Variants in CSMD2 observed in about 807,000 individuals in gnomAD.
CSMD2 encodes CUB and Sushi multiple domains 2.
CSMD2 carries 130 observed loss-of-function variants against 398.5 expected under a neutral mutation model. The observed-to-expected ratio is 0.33, with a 90% CI of 0.28 to 0.38. The LOEUF (loss-of-function observed/expected upper bound fraction) is 0.38. Ranked by LOEUF, CSMD2 falls within the 10% of genes least tolerant of loss-of-function variation. The probability of loss-of-function intolerance (pLI) is 1.00; values close to 1 mark genes in which losing one functional copy is unlikely to be tolerated. For missense variants in CSMD2, 3,829 were observed against 4,764.9 expected, an observed-to-expected ratio of 0.80 and a Z score of 5.78; for synonymous variants, 1,828 against 1,908.5, an observed-to-expected ratio of 0.96 and a Z score of 1.10.
At position 33,624,525 on chromosome 1, in the gene CSMD2, G is replaced by A; in HGVS notation, c.5619C>T (p.Gly1873=). The A allele has an allele frequency of 6.2e-7, 1 of 1,613,788 alleles. No homozygotes were observed. The highest frequency in any genetic ancestry group is 1.3e-5 in the African/African-American group (1 of 75,032). Residue 1873 remains glycine (G), a synonymous_variant, in exon 35 of 71, where the codon GGC becomes GGT. Transcript: ENST00000373381. This position sits in a 1 kb window ranked among gnomAD's most constrained non-coding sequence, Gnocchi z 4.7. ...VWKIVVPEGA[G]IQIQVVSFVT... is the part of the protein sequence containing the mutation. Reference sequence around the variant, plus strand: ...GGCGCCCCCTTGCCCCTACCTGGATGCCAGCGCCTTCGGGGACCACGATCT... The same window carrying A: ...GGCGCCCCCTTGCCCCTACCTGGATACCAGCGCCTTCGGGGACCACGATCT...
chr1:33,761,327 C>T (rs1649788853), intron 13 of CSMD2, among the ~76,000 whole-genome samples: 1 of 152,184 alleles, frequency 6.6e-6, no homozygotes, highest in African/African-American at 2.4e-5. Flanking sequence ...CTGCACCCAG[C>T]CCCCAGGATC....
intron 3 of CSMD2, among the ~76,000 whole-genome samples, chr1:34,011,788 C>T (rs1350837947): frequency 6.6e-6 from 1 of 152,044 alleles, no homozygotes; most frequent in African/African-American, 2.4e-5. Context: ...ACTATAGTTA[C>T]CCTGTTGGGG....
chr1:33,664,560 G>C (rs796972407), intron 25 of CSMD2, among the ~76,000 whole-genome samples: 3 of 152,276 alleles, frequency 2.0e-5, no homozygotes, highest in South Asian at 4.1e-4. Flanking sequence ...CCAGCACTTT[G>C]GGAGGCTGAG....
chr1:34,026,061 C>A (rs1649604456), intron 3 of CSMD2, among the ~76,000 whole-genome samples: 3 of 152,194 alleles, frequency 2.0e-5, no homozygotes, highest in African/African-American at 7.2e-5. Context: ...CAAGCGCTGA[C>A]AATTTGCCAG....
At chr1:33,847,929 G>C (rs1312827915) in intron 5 of CSMD2, among the ~76,000 whole-genome samples, 1 of 152,188 alleles carries the variant, frequency 6.6e-6, no homozygotes, top group Non-Finnish European at 1.5e-5. Context: ...AACGGCAGCT[G>C]CTGTTCCATT....
intron 33 of CSMD2, 81 bp from the exon 34 acceptor site, chr1:33,625,335 A>G: frequency 7.5e-6 from 10 of 1,329,968 alleles, no homozygotes; most frequent in Non-Finnish European, 1.0e-5. Flanking sequence ...GGTCTGGAAC[A>G]AAGACCGTCT....
At chr1:34,120,491 A>G (rs1002165801) in intron 1 of CSMD2, among the ~76,000 whole-genome samples, 1 of 152,224 alleles carries the variant, frequency 6.6e-6, no homozygotes, top group African/African-American at 2.4e-5. Context: ...GAGTTTGTGT[A>G]AGATTTATAC....
At chr1:33,783,977 C>T (rs1190570920) in intron 12 of CSMD2, among the ~76,000 whole-genome samples, 1 of 148,886 alleles carries the variant, frequency 6.7e-6, no homozygotes, top group Non-Finnish European at 1.5e-5. Context: ...AGTCCCCGGC[C>T]CCCACCATGT....
chr1:33,641,768 C>G (rs1274813623), intron 29 of CSMD2, among the ~76,000 whole-genome samples: 2 of 152,196 alleles, frequency 1.3e-5, no homozygotes, highest in Non-Finnish European at 2.9e-5. Context: ...ATCTCATCTA[C>G]AGAAGGGTCC....
chr1:34,021,513 C>T (rs937678991), intron 3 of CSMD2, among the ~76,000 whole-genome samples: 1 of 152,186 alleles, frequency 6.6e-6, no homozygotes, highest in Non-Finnish European at 1.5e-5. Context: ...AGTGGGCTGG[C>T]AGTGGTCCTG....
intron 15 of CSMD2, among the ~76,000 whole-genome samples, chr1:33,727,761 T>C (rs1646584961): frequency 6.6e-6 from 1 of 152,158 alleles, no homozygotes; most frequent in African/African-American, 2.4e-5. Flanking sequence ...CAGTGGTCTG[T>C]GTGAGATATA....
intron 3 of CSMD2, among the ~76,000 whole-genome samples, chr1:33,977,261 T>C (rs1646000361): frequency 6.6e-6 from 1 of 151,930 alleles, no homozygotes; most frequent in Non-Finnish European, 1.5e-5. Flanking sequence ...CCAGTGAATG[T>C]TGGTGGTGAG....
At chr1:34,035,450 C>A (rs756427971) in intron 2 of CSMD2, among the ~76,000 whole-genome samples, 1 of 151,852 alleles carries the variant, frequency 6.6e-6, no homozygotes, top group Non-Finnish European at 1.5e-5. Context: ...AACACAAAAA[C>A]CTTAACAAAA....
intron 6 of CSMD2, among the ~76,000 whole-genome samples, chr1:33,831,721 T>A (rs1659589507): frequency 6.6e-6 from 1 of 152,146 alleles, no homozygotes; most frequent in African/African-American, 2.4e-5. Context: ...ACTGGTAAAT[T>A]GGATAAAGAG....
At chr1:34,064,443 C>A (rs566005784) in intron 2 of CSMD2, among the ~76,000 whole-genome samples, 1 of 152,078 alleles carries the variant, frequency 6.6e-6, no homozygotes, top group South Asian at 2.1e-4. Context: ...GTCTCTAGGG[C>A]GGGGGCAAAA....
intron 1 of CSMD2, among the ~76,000 whole-genome samples, chr1:34,138,599 A>G (rs1254367794): frequency 1.3e-5 from 2 of 152,192 alleles, no homozygotes; most frequent in African/African-American, 4.8e-5. Context: ...AATGCTATGC[A>G]TCTTCTACAT....
chr1:33,885,714 A>T (rs1025563177), intron 5 of CSMD2, among the ~76,000 whole-genome samples: 1 of 152,166 alleles, frequency 6.6e-6, no homozygotes, highest in African/African-American at 2.4e-5. Flanking sequence ...TTTAAGTAGT[A>T]TGAATTCTGT....
intron 56 of CSMD2, among the ~76,000 whole-genome samples, chr1:33,548,386 A>G (rs1276872952): frequency 6.6e-6 from 1 of 152,186 alleles, no homozygotes; most frequent in East Asian, 1.9e-4. Context: ...CGAAGAGGCA[A>G]AGAGAATGAC....
chr1:33,700,488 T>A, intron 23 of CSMD2, 29 bp downstream of exon 23: 1 of 1,610,976 alleles, frequency 6.2e-7, no homozygotes, highest in Non-Finnish European at 8.5e-7. Context: ...CCTGACTTCC[T>A]TGTCCACACA....
Sources: gnomAD v4.1 joint callset for allele counts (sites outside exome capture counted in the v4.1 genomes callset) on GRCh38, gnomAD v4.1.1 for gene constraint, Gnocchi (gnomAD v3.1) non-coding constraint, MANE v1.5 for transcripts, NCBI Gene and HGNC (gene_info 2026-07-23, HGNC 2026-07-21) for gene names.